Variants in HECW2 observed in about 807,000 individuals in gnomAD.
The protein encoded by HECW2 is E3 ubiquitin-protein ligase HECW2.
HECW2 carries 61 observed loss-of-function variants against 175.2 expected under a neutral mutation model. The observed-to-expected ratio is 0.35, with a 90% CI of 0.28 to 0.43. HECW2 has a LOEUF of 0.43. Ranked by LOEUF, HECW2 falls within the 20% of genes least tolerant of loss-of-function variation. HECW2 has a pLI of 1.00. For synonymous variants in HECW2, 671 were observed against 731.0 expected, an observed-to-expected ratio of 0.92 and a Z score of 1.32; for missense variants, 1,524 against 2,000.5, an observed-to-expected ratio of 0.76 and a Z score of 4.54.
At chr2:196,284,527 C>T (rs978812178) in intron 14 of HECW2, among the ~76,000 whole-genome samples, 1 of 152,160 alleles carries the variant, frequency 6.6e-6, no homozygotes, top group Non-Finnish European at 1.5e-5. Context: ...GGACAGGTTT[C>T]CTTAGTGCTT....
chr2:196,578,975 T>A (rs1036292114), intron 1 of HECW2, among the ~76,000 whole-genome samples: 7 of 152,166 alleles, frequency 4.6e-5, no homozygotes, highest in Non-Finnish European at 8.8e-5. Flanking sequence ...CCCTTTCTTT[T>A]TATCTAATTT....
At chr2:196,592,220 A>G (rs1293539765) in intron 1 of HECW2, among the ~76,000 whole-genome samples, 2 of 152,170 alleles carry the variant, frequency 1.3e-5, no homozygotes, top group Non-Finnish European at 2.9e-5. Context: ...CCCAAAAGCT[A>G]AAGGCCCCCG....
At chr2:196,325,301 A>G (rs985147335) in intron 5 of HECW2, 152 bp from the exon 6 acceptor site, 1 of 526,676 alleles carries the variant, frequency 1.9e-6, no homozygotes, top group Admixed American at 3.7e-5. Flanking sequence ...TTGTTCTTAA[A>G]TAAACACACA....
chr2:196,507,760 C>T (rs1296569178), intron 1 of HECW2, among the ~76,000 whole-genome samples: 1 of 152,096 alleles, frequency 6.6e-6, no homozygotes, highest in African/African-American at 2.4e-5. Context: ...AACATTACAC[C>T]TAACAAAACA....
chr2:196,453,939 C>T (rs1050614723), intron 1 of HECW2, among the ~76,000 whole-genome samples: 4 of 152,074 alleles, frequency 2.6e-5, no homozygotes, highest in Admixed American at 6.6e-5. Context: ...TGGAAATTGT[C>T]GGCCTAATTT....
At chr2:196,382,465 A>C (rs1245813294) in intron 2 of HECW2, among the ~76,000 whole-genome samples, 1 of 151,858 alleles carries the variant, frequency 6.6e-6, no homozygotes, top group Non-Finnish European at 1.5e-5. Flanking sequence ...GGTTATTCAC[A>C]TAGGGCAAAA....
At chr2:196,371,024 G>T (rs868117176) in intron 2 of HECW2, among the ~76,000 whole-genome samples, 1 of 152,152 alleles carries the variant, frequency 6.6e-6, no homozygotes, top group Middle Eastern at 3.2e-3. Flanking sequence ...TCTTATGAAG[G>T]TGTTTTTTTG....
chr2:196,499,775 A>G (rs1161013752), intron 1 of HECW2, among the ~76,000 whole-genome samples: 1 of 152,208 alleles, frequency 6.6e-6, no homozygotes, highest in Non-Finnish European at 1.5e-5. Context: ...ACTATAAACT[A>G]AACATTGATG....
chr2:196,297,323 G>C (rs185903540), intron 13 of HECW2, among the ~76,000 whole-genome samples: 3 of 152,304 alleles, frequency 2.0e-5, no homozygotes, highest in African/African-American at 4.8e-5. Context: ...CTTGATGGTT[G>C]AGTGAATGAT....
intron 1 of HECW2, among the ~76,000 whole-genome samples, chr2:196,558,712 A>T (rs1405789417): frequency 1.3e-5 from 2 of 152,220 alleles, no homozygotes; most frequent in Non-Finnish European, 2.9e-5. Flanking sequence ...CCAGCTGATG[A>T]ATCTGCCAGG....
chr2:196,505,421 T>C (rs752721695), intron 1 of HECW2, among the ~76,000 whole-genome samples: 9 of 151,950 alleles, frequency 5.9e-5, no homozygotes, highest in Non-Finnish European at 8.8e-5. Context: ...GTACCTGTAA[T>C]CCCAGCTACT....
At chr2:196,219,992 C>T in intron 26 of HECW2, 47 bp downstream of exon 26, 1 of 1,268,514 alleles carries the variant, frequency 7.9e-7, no homozygotes, top group Non-Finnish European at 1.1e-6. Context: ...CCATGCCTTC[C>T]TTTAATTTGA....
chr2:196,434,183 C>T lies in HECW2; in HGVS notation c.-35-725G>A, dbSNP rs185680066. On this transcript the variant is annotated intron_variant, in intron 1 of 28. Transcript: ENST00000644978. ...TCATCTGTTTTGTTGGCTACTTTAT[C>T]CCCAGTGTCTACAACAGTGCCTGCT... Among the ~76,000 whole-genome samples, 296 of 152,270 alleles carry T rather than the reference C, an allele frequency of 1.9e-3. 1 individual carries two copies. Among genetic ancestry groups the T allele is most frequent in the Non-Finnish European group, 3.6e-3 (243 of 68,016 alleles).
intron 1 of HECW2, among the ~76,000 whole-genome samples, chr2:196,451,243 G>C (rs1422311095): frequency 1.3e-5 from 2 of 151,864 alleles, no homozygotes; most frequent in African/African-American, 4.8e-5. Context: ...AGACCAGCCT[G>C]ACCAACATGG....
At chr2:196,454,204 C>T (rs1484820792) in intron 1 of HECW2, among the ~76,000 whole-genome samples, 1 of 152,128 alleles carries the variant, frequency 6.6e-6, no homozygotes, top group Non-Finnish European at 1.5e-5. Context: ...AAGCGATCCG[C>T]CCGCCTCGCC....
At chr2:196,383,802 C>T (rs547699576) in intron 2 of HECW2, among the ~76,000 whole-genome samples, 2 of 152,328 alleles carry the variant, frequency 1.3e-5, no homozygotes, top group Admixed American at 6.5e-5. Flanking sequence ...GCCCTTCACA[C>T]ATCACTCATT....
chr2:196,310,966 A>G (rs1691475442), intron 10 of HECW2, among the ~76,000 whole-genome samples: 1 of 152,192 alleles, frequency 6.6e-6, no homozygotes, highest in African/African-American at 2.4e-5. Flanking sequence ...GGAATCTATA[A>G]AATTATGCCC....
intron 1 of HECW2, among the ~76,000 whole-genome samples, chr2:196,569,811 T>A (rs534653240): frequency 6.6e-6 from 1 of 152,250 alleles, no homozygotes; most frequent in East Asian, 1.9e-4. Flanking sequence ...CAAATGAGAA[T>A]AACACCTATA....
intron 2 of HECW2, among the ~76,000 whole-genome samples, chr2:196,408,002 T>C (rs952905166): frequency 1.3e-5 from 2 of 152,212 alleles, no homozygotes; most frequent in Non-Finnish European, 2.9e-5. Context: ...CCTTAATGAT[T>C]CTTCTGAAAA....
Sources: allele counts gnomAD v4.1 joint callset (sites outside exome capture counted in the v4.1 genomes callset), GRCh38; gene constraint gnomAD v4.1.1; transcripts MANE v1.5; gene names NCBI Gene and HGNC (gene_info 2026-07-23, HGNC 2026-07-21).